Variants in ZFAND3 observed in about 807,000 individuals in gnomAD.
The protein encoded by ZFAND3 is zinc finger AN1-type containing 3, also known as AN1-type zinc finger protein 3.
ZFAND3 carries 10 observed loss-of-function variants against 29.6 expected under a neutral mutation model. The observed-to-expected ratio is 0.34, with a 90% CI of 0.21 to 0.57. ZFAND3 has a LOEUF of 0.57. Among genes scored for constraint, ZFAND3 ranks in the 20% least tolerant of loss-of-function variants. The pLI is 0.86. For missense variants in ZFAND3, 230 were observed against 304.5 expected (o/e 0.76, Z 1.82); for synonymous variants, 128 against 112.6 (o/e 1.14, Z -0.87).
intron 1 of ZFAND3, among the ~76,000 whole-genome samples, chr6:37,838,914 A>G (rs1764018778): frequency 6.6e-6 from 1 of 152,206 alleles, no homozygotes; most frequent in South Asian, 2.1e-4. Flanking sequence ...GAGCAACTAC[A>G]TTATTTTACA....
rs998459164 is a variant in ZFAND3 at position 37,891,481 on chromosome 6, C to T, written c.72-38478C>T. Among the ~76,000 whole-genome samples, 5 of 146,950 alleles carry T rather than the reference C, an allele frequency of 3.4e-5. No individual in the cohort carries two copies. The East Asian group carries it at 8.2e-4, about 24-fold the overall frequency. ...TGGCAGTGCATGCCATGCCTGTAAT[C>T]CTAGCTACTTGGGAGGCTGAGGCAG... On this transcript the variant is annotated intron_variant, in intron 1 of 5. Transcript: ENST00000287218.
intron 2 of ZFAND3, among the ~76,000 whole-genome samples, chr6:37,988,483 T>C (rs1368288114): frequency 6.6e-6 from 1 of 152,238 alleles, no homozygotes; most frequent in Non-Finnish European, 1.5e-5. Context: ...TCGCAATTCC[T>C]GACATTATGC....
intron 1 of ZFAND3, among the ~76,000 whole-genome samples, chr6:37,843,121 CAAA>C (rs34684980): frequency 5.7e-5 from 4 of 70,354 alleles, no homozygotes; most frequent in East Asian, 4.9e-4. Flanking sequence ...AACTGTTTCA[CAAA>C]AAAAAAAAAA....
chr6:38,095,001 T>C (rs1305828507), intron 4 of ZFAND3, among the ~76,000 whole-genome samples: 5 of 152,196 alleles, frequency 3.3e-5, no homozygotes, highest in Non-Finnish European at 7.3e-5. Flanking sequence ...GGATTAGGGA[T>C]ACTCAACCTG....
At chr6:37,829,141 G>A (rs1199840035) in intron 1 of ZFAND3, among the ~76,000 whole-genome samples, 1 of 151,984 alleles carries the variant, frequency 6.6e-6, no homozygotes, top group Non-Finnish European at 1.5e-5. Context: ...ACGAAGTGGA[G>A]AACTGTTCTG....
chr6:38,072,534 G>A (rs1282172171), intron 3 of ZFAND3, among the ~76,000 whole-genome samples: 1 of 152,056 alleles, frequency 6.6e-6, no homozygotes, highest in Non-Finnish European at 1.5e-5. Context: ...ACTTCACACA[G>A]CTTTAGCTCT....
intron 2 of ZFAND3, chr6:38,003,416 A>G (rs995538359): frequency 6.4e-6 from 1 of 157,458 alleles, no homozygotes; most frequent in African/African-American, 2.4e-5. Context: ...ATAATAATTA[A>G]AACAGCTTGT....
At chr6:38,099,866 T>C (rs937902171) in intron 4 of ZFAND3, among the ~76,000 whole-genome samples, 1 of 152,214 alleles carries the variant, frequency 6.6e-6, no homozygotes, top group African/African-American at 2.4e-5. Context: ...GCTTGAATTA[T>C]ATGTCCAAAT....
At chr6:37,978,154 C>T (rs1171204883) in intron 2 of ZFAND3, among the ~76,000 whole-genome samples, 1 of 151,996 alleles carries the variant, frequency 6.6e-6, no homozygotes, top group Non-Finnish European at 1.5e-5. Context: ...AGGCCAGTCT[C>T]GAACTGAGAC....
At chr6:37,992,587 A>G (rs937522214) in intron 2 of ZFAND3, among the ~76,000 whole-genome samples, 2 of 152,208 alleles carry the variant, frequency 1.3e-5, no homozygotes, top group East Asian at 1.9e-4. Flanking sequence ...TCTTCAGCTT[A>G]TTCTCCCCAA....
intron 4 of ZFAND3, among the ~76,000 whole-genome samples, chr6:38,083,526 AGC>A (rs1196953253): frequency 1.3e-5 from 2 of 152,180 alleles, no homozygotes; most frequent in African/African-American, 2.4e-5. Context: ...GATTTTAGCC[AGC>A]GGGAAGTCAG....
chr6:38,082,532 G>C, intron 4 of ZFAND3, 75 bp downstream of exon 4: 2 of 1,404,614 alleles, frequency 1.4e-6, no homozygotes, highest in Non-Finnish European at 2.0e-6. Context: ...TTCTAACTTG[G>C]TGTGCTTCTC....
chr6:37,978,565 G>A (rs1784871667), intron 2 of ZFAND3, among the ~76,000 whole-genome samples: 1 of 152,200 alleles, frequency 6.6e-6, no homozygotes, highest in African/African-American at 2.4e-5. Context: ...TACACAGGGA[G>A]TTTTCTTTGT....
At position 37,841,674 on chromosome 6, in the gene ZFAND3, G is replaced by T. The variant is rs1379103095; in HGVS notation, c.71+21658G>T. Reference sequence around the variant, plus strand: ...ATTTTTTTGTATTTTTATTAGAGACGGGGTTTCACTGTGTTAGCCAGGATG... The same window carrying T: ...ATTTTTTTGTATTTTTATTAGAGACTGGGTTTCACTGTGTTAGCCAGGATG... On this transcript the variant is annotated intron_variant, in intron 1 of 5. Coordinates refer to ENST00000287218, the MANE Select transcript of ZFAND3 (RefSeq NM_021943.3). Among the ~76,000 whole-genome samples, 6 of 152,202 alleles carry T rather than the reference G, an allele frequency of 3.9e-5. No individual in the cohort carries two copies. The East Asian group carries it at 1.2e-3, about 29-fold the overall frequency.
chr6:37,877,697 G>A (rs1764818687), intron 1 of ZFAND3, among the ~76,000 whole-genome samples: 1 of 152,164 alleles, frequency 6.6e-6, no homozygotes, highest in Admixed American at 6.5e-5. Flanking sequence ...GCAGGGCTGG[G>A]ATTCAAACCC....
At chr6:38,149,215 C>G (rs1419196767) in intron 5 of ZFAND3, among the ~76,000 whole-genome samples, 1 of 151,832 alleles carries the variant, frequency 6.6e-6, no homozygotes, top group East Asian at 2.0e-4. Flanking sequence ...TGAGACCAGC[C>G]TGGGCAACAT....
intron 2 of ZFAND3, among the ~76,000 whole-genome samples, chr6:37,975,987 G>A (rs1277090176): frequency 6.6e-6 from 1 of 152,122 alleles, no homozygotes; most frequent in Non-Finnish European, 1.5e-5. Flanking sequence ...TCTTAACAAT[G>A]TTGAGTCTTT....
Position 37,836,536 on chromosome 6 carries a change from G to C in ZFAND3, c.71+16520G>C, listed in dbSNP as rs1372016459. On this transcript the variant is annotated intron_variant, in intron 1 of 5. Coordinates refer to ENST00000287218, the MANE Select transcript of ZFAND3 (RefSeq NM_021943.3). The stretch of plus-strand genomic sequence containing the variant: ...TTAAGATGATAATTGAGACATCTCT[G>C]CTCCTTGAAGGTCCTAGAAGAACTT... 2.0e-5 allele frequency among the ~76,000 whole-genome samples: 3 copies of C among 152,160 alleles called. 1 individual carries two copies. Among genetic ancestry groups the C allele is most frequent in the Non-Finnish European group, 1.5e-5 (1 of 68,038 alleles).
chr6:37,918,364 T>C (rs259694), intron 1 of ZFAND3, among the ~76,000 whole-genome samples: 106,163 of 152,032 alleles, frequency 0.7, 37,620 homozygotes, highest in African/African-American at 0.77. Flanking sequence ...CGTGAGCCAC[T>C]GCGCCTGGCC....
Sources: gnomAD v4.1 joint callset for allele counts (sites outside exome capture counted in the v4.1 genomes callset) on GRCh38, gnomAD v4.1.1 for gene constraint, MANE v1.5 for transcripts, NCBI Gene and HGNC (gene_info 2026-07-23, HGNC 2026-07-21) for gene names.